The following FRMPD2 variants were observed in gnomAD, a reference collection of about 807,000 sequenced individuals.
FRMPD2 encodes the protein FERM and PDZ domain-containing protein 2.
FRMPD2 carries 96 observed loss-of-function variants against 140.1 expected under a neutral mutation model. The ratio of observed to expected loss-of-function variants is 0.69; its 90% confidence interval spans 0.58 to 0.81. The LOEUF is 0.81. FRMPD2 is among the 40% of genes least tolerant of loss of function. The probability of loss-of-function intolerance (pLI) is 0.00; values close to 1 mark genes in which losing one functional copy is unlikely to be tolerated. For missense variants in FRMPD2, 1,240 were observed against 1,447.4 expected (o/e 0.86, Z 2.32); for synonymous variants, 449 against 547.6 (o/e 0.82, Z 2.52).
chr10:48,197,271 G>A (rs986747113), intron 15 of FRMPD2, among the ~76,000 whole-genome samples: 4 of 152,118 alleles, frequency 2.6e-5, no homozygotes, highest in Non-Finnish European at 5.9e-5. Flanking sequence ...ACCCCCGTGA[G>A]CAGGAGCCAC....
intron 6 of FRMPD2, 121 bp downstream of exon 6, chr10:48,240,239 G>A: frequency 9.1e-7 from 1 of 1,101,426 alleles, no homozygotes; most frequent in Non-Finnish European, 1.3e-6. Context: ...CTTCCTGAAA[G>A]AGTGGCACTT....
chr10:48,178,108 G>A lies in FRMPD2; in HGVS notation c.2834C>T (p.Ala945Val), dbSNP rs150581636. ...SCPPSPPEISAGEIYFVELVK... is the reference protein window; with the variant it reads ...SCPPSPPEISVGEIYFVELVK... Reference sequence around the variant, plus strand: ...CAGTTCCACAAAGTAGATTTCACCAGCACTGATTTCTGGAGGTGATGGAGG... The same window carrying A: ...CAGTTCCACAAAGTAGATTTCACCAACACTGATTTCTGGAGGTGATGGAGG... The change falls in exon 22 of 29, where the codon GCT becomes GTT. Residue 945 changes from alanine to valine, a missense_variant. Transcript: ENST00000374201. 7,923 of 1,596,226 alleles carry A rather than the reference G, an allele frequency of 5.0e-3. 360 individuals carry two copies. In the African/African-American group the frequency reaches 0.093, roughly 19 times the overall value.
chr10:48,192,984 C>T, intron 15 of FRMPD2, 90 bp from the exon 16 acceptor site: 2 of 939,832 alleles, frequency 2.1e-6, no homozygotes, highest in Non-Finnish European at 3.4e-6. Context: ...TCACTGGGCC[C>T]CCGCTCTCCT....
Position 48,249,060 on chromosome 10 carries a change from T to A in FRMPD2, c.270A>T (p.Leu90=). 4 of 1,613,720 alleles carry A rather than the reference T, an allele frequency of 2.5e-6. No homozygotes were observed. The highest frequency in any genetic ancestry group is 3.4e-6 in the Non-Finnish European group (4 of 1,179,920). ...EAAPFKAPEL[L]QGQSEDEQPD... ...GCTGCTCATCCTCACTCTGTCCCTG[T>A]AGCAGTTCAGGGGCCTTGAAAGGAG... The change falls in exon 3 of 29, where the codon CTA becomes CTT. Residue 90 remains leucine, a synonymous_variant. Coordinates refer to ENST00000374201, the MANE Select transcript of FRMPD2 (RefSeq NM_001018071.4).
rs537291879 is a variant in FRMPD2, at chr10:48,206,341, A to G, written c.1797+407T>C. ...TGCAAAGGGAAAATTAAAACACGGG[A>G]AGAAGTTTCAAAACCTTTCAGGCTC... On this transcript the variant is annotated intron_variant, in intron 14 of 28. Coordinates refer to ENST00000374201, the MANE Select transcript of FRMPD2 (RefSeq NM_001018071.4). 3.9e-5 allele frequency among the ~76,000 whole-genome samples: 6 copies of G among 152,288 alleles called. No individual in the cohort carries two copies. In the South Asian group the frequency reaches 1.0e-3, roughly 26 times the overall value.
chr10:48,202,746 C>T (rs1839117539), intron 14 of FRMPD2, among the ~76,000 whole-genome samples: 1 of 152,190 alleles, frequency 6.6e-6, no homozygotes, highest in East Asian at 1.9e-4. Context: ...GGCTTTCATG[C>T]AATCCTGACA....
At chr10:48,190,002 T>C (rs1838791514) in intron 16 of FRMPD2, among the ~76,000 whole-genome samples, 1 of 152,292 alleles carries the variant, frequency 6.6e-6, no homozygotes, top group Non-Finnish European at 1.5e-5. Context: ...AATAACTTCA[T>C]TGAGGTCACA....
chr10:48,232,341 T>C (rs1326114802), intron 9 of FRMPD2, 52 bp from the exon 10 acceptor site: 1 of 1,374,018 alleles, frequency 7.3e-7, no homozygotes, highest in East Asian at 2.4e-5. Flanking sequence ...CATTGAGCCT[T>C]TAGTGTGTGC....
chr10:48,195,501 A>G (rs1272365553), intron 15 of FRMPD2, among the ~76,000 whole-genome samples: 1 of 152,226 alleles, frequency 6.6e-6, no homozygotes, highest in Non-Finnish European at 1.5e-5. Context: ...GATAAACACG[A>G]TGATATTTAT....
At chr10:48,180,166 C>T (rs1469897110) in intron 21 of FRMPD2, among the ~76,000 whole-genome samples, 1 of 152,130 alleles carries the variant, frequency 6.6e-6, no homozygotes, top group Non-Finnish European at 1.5e-5. Flanking sequence ...GCTGAGGCTT[C>T]GACTGGGCAG....
chr10:48,190,916 A>G (rs1389441633), intron 16 of FRMPD2, among the ~76,000 whole-genome samples: 1 of 152,228 alleles, frequency 6.6e-6, no homozygotes, highest in East Asian at 1.9e-4. Flanking sequence ...TGAGTCAGTC[A>G]TGGCTTCTTC....
At chr10:48,232,330 T>C (rs949979816) in intron 9 of FRMPD2, 41 bp from the exon 10 acceptor site, 1 of 1,465,208 alleles carries the variant, frequency 6.8e-7, no homozygotes, top group African/African-American at 1.4e-5. Flanking sequence ...CAATTATAAG[T>C]CATTGAGCCT....
chr10:48,240,021 ACT>A (rs758430997), intron 6 of FRMPD2, among the ~76,000 whole-genome samples: 7 of 152,036 alleles, frequency 4.6e-5, no homozygotes, highest in Non-Finnish European at 1.0e-4. Flanking sequence ...TCCAAAAACC[ACT>A]CTTTTAACAC....
intron 24 of FRMPD2, among the ~76,000 whole-genome samples, chr10:48,173,561 G>C (rs1410977533): frequency 6.6e-6 from 1 of 151,852 alleles, no homozygotes; most frequent in Non-Finnish European, 1.5e-5. Context: ...GGCAAGCTCT[G>C]GTTACCTTGG....
intron 1 of FRMPD2, among the ~76,000 whole-genome samples, chr10:48,260,686 G>T (rs910906437): frequency 6.6e-6 from 1 of 152,090 alleles, no homozygotes; most frequent in Non-Finnish European, 1.5e-5. Flanking sequence ...CTCACTAAAG[G>T]TCTGTTTATC....
intron 1 of FRMPD2, among the ~76,000 whole-genome samples, chr10:48,266,036 C>CA (rs573449835): frequency 4.9e-4 from 75 of 152,062 alleles, no homozygotes; most frequent in Non-Finnish European, 1.0e-3. Context: ...TATGCAGCCA[C>CA]AAAAAAGAAT....
chr10:48,213,173 T>G (rs1839370802), intron 12 of FRMPD2, among the ~76,000 whole-genome samples: 1 of 152,296 alleles, frequency 6.6e-6, no homozygotes, highest in Non-Finnish European at 1.5e-5. Context: ...CATGTCCCCA[T>G]GTGGCCATGG....
chr10:48,209,476 A>C (rs1240401665), intron 13 of FRMPD2, among the ~76,000 whole-genome samples: 1 of 152,236 alleles, frequency 6.6e-6, no homozygotes, highest in South Asian at 2.1e-4. Flanking sequence ...GTTAGTCATC[A>C]GTGAACTGGG....
chr10:48,177,357 C>T (rs1320992728), intron 22 of FRMPD2: 2 of 151,204 alleles, frequency 1.3e-5, no homozygotes, highest in African/African-American at 2.4e-5. Flanking sequence ...GCGATCCACC[C>T]GCCTCGGCCT....
Sources: gnomAD v4.1 joint callset for allele counts (sites outside exome capture counted in the v4.1 genomes callset) on GRCh38, gnomAD v4.1.1 for gene constraint, MANE v1.5 for transcripts, NCBI Gene and HGNC (gene_info 2026-07-23, HGNC 2026-07-21) for gene names.